The following B3GALT1 variants were observed in gnomAD, a reference collection of about 807,000 sequenced individuals.
B3GALT1 encodes beta-1,3-galactosyltransferase 1, also known as UDP-Gal:betaGlcNAc beta 1,3-galactosyltransferase, polypeptide 1.
In B3GALT1, 10 loss-of-function variants were observed where a neutral mutation model predicts 23.2. That is an observed-to-expected ratio of 0.43 (90% confidence interval 0.27 to 0.73). The LOEUF (loss-of-function observed/expected upper bound fraction) is 0.73, where lower values mean the gene tolerates loss of function less well. B3GALT1 is among the 30% of genes least tolerant of loss of function. The pLI is 0.21. For synonymous variants in B3GALT1, 156 were observed against 141.5 expected (o/e 1.10, Z -0.73); for missense variants, 299 against 405.4 (o/e 0.74, Z 2.25).
intron 2 of B3GALT1, among the ~76,000 whole-genome samples, chr2:167,600,865 A>G (rs570966895): frequency 1.3e-5 from 2 of 151,644 alleles, no homozygotes; most frequent in African/African-American, 4.8e-5. Flanking sequence ...TTTTATCAAC[A>G]CTCATTTACA....
chr2:167,855,209 A>G (rs996642598), intron 4 of B3GALT1, among the ~76,000 whole-genome samples: 2 of 152,172 alleles, frequency 1.3e-5, no homozygotes, highest in Non-Finnish European at 2.9e-5. Context: ...TACCTCTCAC[A>G]TTAAGTCATG....
At chr2:167,342,381 A>G (rs1037542707) in intron 1 of B3GALT1, among the ~76,000 whole-genome samples, 1 of 152,068 alleles carries the variant, frequency 6.6e-6, no homozygotes, top group Non-Finnish European at 1.5e-5. Flanking sequence ...TGAAGTCAGG[A>G]GTTCAAGACC....
At position 167,377,806 on chromosome 2, in the gene B3GALT1, T is replaced by C. The variant is rs192678507; in HGVS notation, c.-511+84472T>C. The stretch of plus-strand genomic sequence containing the variant: ...CACTCTGTGCCTTTTAAGTGAGACA[T>C]TTAGGTCATTTACAGTCAAGGTTAA... On this transcript the variant is annotated intron_variant, in intron 1 of 4. Transcript: ENST00000392690. Among the ~76,000 whole-genome samples, 413 of 152,262 alleles carry C rather than the reference T, an allele frequency of 2.7e-3. 1 individual carries two copies. The highest frequency in any genetic ancestry group is 9.2e-3 in the African/African-American group (382 of 41,548).
At chr2:167,697,729 A>G (rs181950586) in intron 3 of B3GALT1, among the ~76,000 whole-genome samples, 30 of 152,360 alleles carry the variant, frequency 2.0e-4, no homozygotes, top group Middle Eastern at 6.8e-3. Flanking sequence ...GAAAAAAAGT[A>G]TCAGCCGAGA....
chr2:167,374,711 G>A (rs894086626), intron 1 of B3GALT1, among the ~76,000 whole-genome samples: 1 of 151,978 alleles, frequency 6.6e-6, no homozygotes, highest in Non-Finnish European at 1.5e-5. Flanking sequence ...GTTTTTGCTT[G>A]TTTAAATGTT....
intron 2 of B3GALT1, among the ~76,000 whole-genome samples, chr2:167,616,711 A>C (rs2105436193): frequency 6.6e-6 from 1 of 152,130 alleles, no homozygotes; most frequent in Non-Finnish European, 1.5e-5. Context: ...TAAATAAATA[A>C]ATAAATAACA....
intron 1 of B3GALT1, among the ~76,000 whole-genome samples, chr2:167,449,619 C>A (rs188742755): frequency 6.6e-6 from 1 of 152,134 alleles, no homozygotes; most frequent in Non-Finnish European, 1.5e-5. Flanking sequence ...GCTAGGATTT[C>A]CAGTACTATG....
intron 3 of B3GALT1, among the ~76,000 whole-genome samples, chr2:167,708,451 G>A (rs1030616107): frequency 1.3e-5 from 2 of 151,998 alleles, no homozygotes; most frequent in African/African-American, 2.4e-5. Flanking sequence ...ACCTGCTGTC[G>A]GGAGTTCAAG....
At chr2:167,543,860 G>C (rs1424759915) in intron 2 of B3GALT1, among the ~76,000 whole-genome samples, 1 of 152,200 alleles carries the variant, frequency 6.6e-6, no homozygotes, top group African/African-American at 2.4e-5. Flanking sequence ...TATACTGGCT[G>C]TAACCAAATA....
chr2:167,606,637 T>C (rs1684966396), intron 2 of B3GALT1, among the ~76,000 whole-genome samples: 1 of 71,686 alleles, frequency 1.4e-5, no homozygotes, highest in Admixed American at 2.1e-4. Flanking sequence ...TGTTTGACGT[T>C]TTGAAACTCA....
chr2:167,365,310 G>A (rs541019763), intron 1 of B3GALT1, among the ~76,000 whole-genome samples: 16 of 152,258 alleles, frequency 1.1e-4, no homozygotes, highest in Non-Finnish European at 2.1e-4. Flanking sequence ...TCAGTTTGGA[G>A]CATTTGGTAA....
chr2:167,466,641 G>A (rs530396903), intron 1 of B3GALT1, among the ~76,000 whole-genome samples: 1 of 147,736 alleles, frequency 6.8e-6, no homozygotes, highest in East Asian at 2.0e-4. Flanking sequence ...AAAAAAGGAT[G>A]GTCTTGAAAA....
At chr2:167,359,134 T>C (rs748885507) in intron 1 of B3GALT1, among the ~76,000 whole-genome samples, 1 of 152,246 alleles carries the variant, frequency 6.6e-6, no homozygotes, top group Non-Finnish European at 1.5e-5. Context: ...ACAGTCATAT[T>C]GTTATGTTTA....
chr2:167,714,888 C>G, intron 3 of B3GALT1: 3 of 1,609,924 alleles, frequency 1.9e-6, no homozygotes, highest in Non-Finnish European at 1.7e-6. Flanking sequence ...AGTGTCATTT[C>G]ATTTTCTTGA....
intron 1 of B3GALT1, among the ~76,000 whole-genome samples, chr2:167,428,405 C>T (rs1309913511): frequency 6.6e-6 from 1 of 152,262 alleles, no homozygotes; most frequent in South Asian, 2.1e-4. Flanking sequence ...GATCCCATAG[C>T]AGCTTACGCC....
intron 1 of B3GALT1, among the ~76,000 whole-genome samples, chr2:167,420,641 A>T (rs1220360272): frequency 6.6e-6 from 1 of 152,204 alleles, no homozygotes; most frequent in Admixed American, 6.5e-5. Flanking sequence ...AAATTACCTC[A>T]TGCCTAGCAT....
At chr2:167,762,543 A>G (rs896271239) in intron 3 of B3GALT1, among the ~76,000 whole-genome samples, 3 of 151,382 alleles carry the variant, frequency 2.0e-5, no homozygotes, top group Admixed American at 6.6e-5. Flanking sequence ...GGTCAAAGAA[A>G]TTGCTTTGTG....
intron 3 of B3GALT1, among the ~76,000 whole-genome samples, chr2:167,791,729 A>G (rs836687): frequency 0.15 from 22,510 of 152,110 alleles, 1,930 homozygotes; most frequent in East Asian, 0.36. Context: ...CTATATTCCT[A>G]TGAGCATTGT....
intron 1 of B3GALT1, among the ~76,000 whole-genome samples, chr2:167,417,894 A>G (rs1021853840): frequency 1.3e-5 from 2 of 152,214 alleles, no homozygotes; most frequent in Admixed American, 6.5e-5. Context: ...GGTAAGCTGT[A>G]CAATATAAAT....
Sources: gnomAD v4.1 joint callset for allele counts (sites outside exome capture counted in the v4.1 genomes callset) on GRCh38, gnomAD v4.1.1 for gene constraint, MANE v1.5 for transcripts, NCBI Gene and HGNC (gene_info 2026-07-23, HGNC 2026-07-21) for gene names.